ZFP1: variants seen among roughly 807,000 people sequenced by gnomAD.
ZFP1 encodes ZFP1 zinc finger protein.
Under a neutral mutation model 38.5 loss-of-function variants are expected in ZFP1, and 32 were observed. The ratio of observed to expected loss-of-function variants is 0.83; its 90% confidence interval spans 0.63 to 1.12. The LOEUF is 1.12. Ranked by LOEUF, ZFP1 falls within the 50% of genes most tolerant of loss-of-function variation. The pLI is 0.00. For synonymous variants in ZFP1, 245 were observed against 168.8 expected, an observed-to-expected ratio of 1.45 and a Z score of -3.50; for missense variants, 616 against 480.8, an observed-to-expected ratio of 1.28 and a Z score of -2.63.
chr16:75,144,654 T>A (rs2036924422), upstream of ZFP1, among the ~76,000 whole-genome samples: 1 of 152,200 alleles, frequency 6.6e-6, no homozygotes, highest in Non-Finnish European at 1.5e-5. Flanking sequence ...CAGAACTTTC[T>A]CATTATCCCA....
At chr16:75,142,141 A>G in the ZFP1 span, among the ~76,000 whole-genome samples, 2 of 150,812 alleles carry the variant, frequency 1.3e-5, no homozygotes, top group African/African-American at 2.4e-5. Context: ...GCAGACCACA[A>G]GGTCAAGAGA....
At position 75,148,570 on chromosome 16, in the gene ZFP1, T is replaced by G. The variant is rs1216912779; in HGVS notation, c.-117T>G. 1 of 152,282 alleles carries G rather than the reference T, an allele frequency of 6.6e-6. No individual in the cohort carries two copies. The highest frequency in any genetic ancestry group is 1.5e-5 in the Non-Finnish European group (1 of 68,116). The allele number at this position is 152,282 out of a possible 1,614,324, so 9.4% of individuals were successfully genotyped here. On this transcript the variant is annotated 5_prime_UTR_variant, in exon 1 of 4. Transcript: ENST00000570010. ...GCGAGTGGGTGACAGAGCCCCCGTC[T>G]CCGCGCGTCTTCGCCGCCCTGCGCC...
At chr16:75,146,428 A>G (rs368722457), upstream of ZFP1, among the ~76,000 whole-genome samples, 1 of 152,052 alleles carries the variant, frequency 6.6e-6, no homozygotes, top group Non-Finnish European at 1.5e-5. Context: ...CGGCCTCCCA[A>G]AGTGCTGGGA....
chr16:75,127,387 C>T, the ZFP1 span, among the ~76,000 whole-genome samples: 1 of 150,604 alleles, frequency 6.6e-6, no homozygotes, highest in South Asian at 2.1e-4. Flanking sequence ...CAGAGCAAGA[C>T]TCTGTCTCAG....
intron 2 of ZFP1, among the ~76,000 whole-genome samples, chr16:75,159,158 A>G (rs1056037554): frequency 1.5e-4 from 22 of 150,874 alleles, no homozygotes; most frequent in Admixed American, 8.6e-4. Context: ...TAGCCGCCCA[A>G]TGTGCTGGGA....
chr16:75,166,921 T>G, intron 3 of ZFP1, 25 bp downstream of exon 3: 1 of 1,609,256 alleles, frequency 6.2e-7, no homozygotes, highest in Admixed American at 1.7e-5. Flanking sequence ...CAGGTACAGC[T>G]CACCATGTGC....
At chr16:75,140,240 C>T in the ZFP1 span, among the ~76,000 whole-genome samples, 2 of 150,620 alleles carry the variant, frequency 1.3e-5, no homozygotes, top group Non-Finnish European at 2.9e-5. Context: ...TGCACTCCAG[C>T]CTGGGCAACA....
rs561309138 is a variant in ZFP1, at chr16:75,169,128, T to C, written c.143-125T>C. On this transcript the variant is annotated intron_variant, in intron 3 of 3. Transcript: ENST00000570010. ...CATTTGCACTGGGAATTTTTTAATATTGGGAGACTGGGTCCCAAACTAAAG... is the reference window on the plus strand; with the variant it reads ...CATTTGCACTGGGAATTTTTTAATACTGGGAGACTGGGTCCCAAACTAAAG... 5 of 1,249,620 alleles carry C rather than the reference T, an allele frequency of 4.0e-6. No individual in the cohort carries two copies. The African/African-American group carries it at 4.5e-5, about 11-fold the overall frequency. The allele number at this position is 1,249,620 out of a possible 1,614,324, so 77.4% of individuals were successfully genotyped here. A position where few individuals can be genotyped will look rare whatever the true frequency, so the allele number is the denominator to read the frequency against.
the ZFP1 span, among the ~76,000 whole-genome samples, chr16:75,121,367 C>T: frequency 6.6e-5 from 10 of 152,096 alleles, no homozygotes; most frequent in Admixed American, 3.3e-4. Context: ...CCTTGTGATC[C>T]GCCCACCTCG....
At chr16:75,136,888 G>A in the ZFP1 span, among the ~76,000 whole-genome samples, 3 of 150,680 alleles carry the variant, frequency 2.0e-5, no homozygotes, top group African/African-American at 7.4e-5. Context: ...AAAAGAAAAG[G>A]AAAAAAAAGG....
At chr16:75,153,391 T>C (rs6564213) in intron 2 of ZFP1, among the ~76,000 whole-genome samples, 141,964 of 152,244 alleles carry the variant, frequency 0.93, 66,262 homozygotes, top group African/African-American at 0.95. Context: ...TTTAAATCCC[T>C]CCACCCCAAG....
At chr16:75,131,162 T>C in the ZFP1 span, among the ~76,000 whole-genome samples, 1 of 152,150 alleles carries the variant, frequency 6.6e-6, no homozygotes, top group Non-Finnish European at 1.5e-5. Context: ...TGGCCAGTTC[T>C]TCCTCACCCT....
chr16:75,123,455 G>GTATATATATATATATATA, the ZFP1 span, among the ~76,000 whole-genome samples: 3 of 87,296 alleles, frequency 3.4e-5, no homozygotes, highest in Admixed American at 1.4e-4. Context: ...GTGTGTATAT[G>GTATATATATATATATATA]TATATATATA....
chr16:75,166,998 C>T lies in ZFP1; in HGVS notation c.142+102C>T, dbSNP rs901723842. On this transcript the variant is annotated intron_variant, in intron 3 of 3. Coordinates refer to ENST00000570010, the MANE Select transcript of ZFP1 (RefSeq NM_153688.4). Reference sequence around the variant, plus strand: ...TTCTGAATTACTAAATGTTTTTGGCCTAAGTCCTCAGGTATTAAACCTGAG... The same window carrying T: ...TTCTGAATTACTAAATGTTTTTGGCTTAAGTCCTCAGGTATTAAACCTGAG... 3.3e-6 allele frequency: 5 copies of T among 1,521,544 alleles called. No individual in the cohort carries two copies. In the African/African-American group the frequency reaches 4.2e-5, roughly 13 times the overall value. 94.3% of individuals were successfully genotyped at this position (1,521,544 alleles called of 1,614,324 possible).
upstream of ZFP1, among the ~76,000 whole-genome samples, chr16:75,145,935 T>G (rs1017083832): frequency 6.6e-6 from 1 of 152,162 alleles, no homozygotes; most frequent in Non-Finnish European, 1.5e-5. Flanking sequence ...GGATGGCAAC[T>G]GCTAGAAGAG....
At position 75,169,599 on chromosome 16, in the gene ZFP1, A is replaced by G. The variant is rs748303507; in HGVS notation, c.489A>G (p.Lys163=). The change falls in exon 4 of 4, where the codon AAA becomes AAG. Residue 163 remains lysine, a synonymous_variant. Transcript: ENST00000570010. Reference sequence around the variant, plus strand: ...ATTCTGAATACAATAAAAGTGGAAAAGCCCTCAGCCATAAAGCAGCCATTT... The same window carrying G: ...ATTCTGAATACAATAAAAGTGGAAAGGCCCTCAGCCATAAAGCAGCCATTT... The part of the protein sequence containing the change: ...VEYSEYNKSG[K]ALSHKAAIFK... 2.6e-5 allele frequency: 41 copies of G among 1,592,928 alleles called. No homozygotes were observed. Among genetic ancestry groups the G allele is most frequent in the Non-Finnish European group, 3.5e-5 (41 of 1,174,250 alleles).
At chr16:75,139,476 G>C in the ZFP1 span, among the ~76,000 whole-genome samples, 8 of 150,994 alleles carry the variant, frequency 5.3e-5, no homozygotes, top group African/African-American at 1.9e-4. Context: ...AGGATTGCTT[G>C]AGCCCAGGAG....
At chr16:75,119,669 G>C in the ZFP1 span, 4 of 152,144 alleles carry the variant, frequency 2.6e-5, no homozygotes, top group Admixed American at 6.5e-5. Context: ...AGAAAGCTTA[G>C]TAATCATATA....
intron 2 of ZFP1, 98 bp from the exon 3 acceptor site, chr16:75,166,672 A>C: frequency 6.3e-7 from 1 of 1,596,218 alleles, no homozygotes; most frequent in Non-Finnish European, 8.5e-7. Context: ...CGTTGGTGTA[A>C]TATATAGATT....
Sources: gnomAD v4.1 joint callset for allele counts (sites outside exome capture counted in the v4.1 genomes callset) on GRCh38, gnomAD v4.1.1 for gene constraint, MANE v1.5 for transcripts, NCBI Gene and HGNC (gene_info 2026-07-23, HGNC 2026-07-21) for gene names.